Variants in PCDHA1 observed in about 807,000 individuals in gnomAD.
PCDHA1 encodes the protein protocadherin alpha-1.
PCDHA1 carries 42 observed loss-of-function variants against 61.3 expected under a neutral mutation model. That is an observed-to-expected ratio of 0.69 (90% CI 0.54 to 0.89). The LOEUF (loss-of-function observed/expected upper bound fraction) is 0.89. Ranked by LOEUF, PCDHA1 falls within the 40% of genes least tolerant of loss-of-function variation. The probability of loss-of-function intolerance (pLI) is 0.00; values close to 1 mark genes in which losing one functional copy is unlikely to be tolerated. For synonymous variants in PCDHA1, 610 were observed against 553.8 expected (o/e 1.10, Z -1.43); for missense variants, 1,256 against 1,235.3 (o/e 1.02, Z -0.25).
intron 3 of PCDHA1, 49 bp downstream of exon 3, chr5:140,982,612 C>A (rs782489208): frequency 6.3e-7 from 1 of 1,599,358 alleles, no homozygotes; most frequent in Admixed American, 1.7e-5. Context: ...GGAAAGTGAT[C>A]AGATGACCTA....
At chr5:140,828,010 G>A in intron 1 of PCDHA1, 1 of 1,506,714 alleles carries the variant, frequency 6.6e-7, no homozygotes, top group Non-Finnish European at 8.9e-7. Context: ...CAGAAGAAAT[G>A]GATTAATAAA....
chr5:140,891,427 C>T (rs1465861457), intron 1 of PCDHA1, among the ~76,000 whole-genome samples: 2 of 149,500 alleles, frequency 1.3e-5, no homozygotes, highest in African/African-American at 4.9e-5. Flanking sequence ...CCCCCAAGTC[C>T]CCAACGTCCA....
intron 1 of PCDHA1, chr5:140,860,548 T>C (rs1219356676): frequency 6.6e-6 from 1 of 152,138 alleles, no homozygotes; most frequent in Non-Finnish European, 1.5e-5. Flanking sequence ...CAAACCCACC[T>C]TTGAAGAGGT....
chr5:140,857,108 C>T, intron 1 of PCDHA1: 6 of 1,597,856 alleles, frequency 3.8e-6, no homozygotes, highest in Non-Finnish European at 5.1e-6. Context: ...TGTCACTTCT[C>T]TGTCTCTCCC....
Position 140,788,233 on chromosome 5 carries a change from T to A in PCDHA1, c.1943T>A (p.Leu648Gln). Residue 648 changes from leucine to glutamine, a missense_variant, in exon 1 of 4, where the codon CTG (leucine) becomes CAG (glutamine). Transcript: ENST00000504120. The part of the protein sequence containing the change: ...DEADLSRYRL[L>Q]VLVKDHGEPA... ...GCTGACTTGTCGCGCTACCGCCTTC[T>A]GGTGCTAGTGAAGGATCACGGTGAG... The A allele has an allele frequency of 6.2e-7, 1 of 1,614,040 alleles. No homozygotes were observed. The highest frequency in any genetic ancestry group is 8.5e-7 in the Non-Finnish European group (1 of 1,179,936).
At position 140,883,606 on chromosome 5, in the gene PCDHA1, C is replaced by G; in HGVS notation, c.2394+94922C>G. 3 of 1,613,944 alleles carry G rather than the reference C, an allele frequency of 1.9e-6. No homozygotes were observed. In the African/African-American group the frequency reaches 4.0e-5, roughly 22 times the overall value. On this transcript the variant is annotated intron_variant, in intron 1 of 3. Coordinates refer to ENST00000504120, the MANE Select transcript of PCDHA1 (RefSeq NM_018900.4). ...CGGCCAGCGTGTCGGTGGGGGTGGC[C>G]GACGTGAACGACAACGCGCCGGCGT...
At position 140,856,827 on chromosome 5, in the gene PCDHA1, T is replaced by C. The variant is rs1201833720; in HGVS notation, c.2394+68143T>C. 4.4e-6 allele frequency: 7 copies of C among 1,592,096 alleles called. 1 individual carries two copies. The African/African-American group carries it at 5.4e-5, about 12-fold the overall frequency. ...GAAAATCAAGTGAACCAAACATTAG[T>C]AATACGGCTCAACGCTTCTGATTCG... is the stretch of plus-strand genomic sequence containing the variant. On this transcript the variant is annotated intron_variant, in intron 1 of 3. Transcript: ENST00000504120.
chr5:140,850,271 G>A, intron 1 of PCDHA1: 2 of 1,595,372 alleles, frequency 1.3e-6, no homozygotes, highest in Non-Finnish European at 1.7e-6. Context: ...TAGTGGTGGG[G>A]AAGGTGCGCG....
intron 1 of PCDHA1, chr5:140,795,596 T>A (rs1562153969): frequency 1.8e-5 from 29 of 1,614,170 alleles, no homozygotes; most frequent in Non-Finnish European, 2.3e-5. Flanking sequence ...GTTAATTTGT[T>A]ACTGGTGGCT....
chr5:140,988,062 A>G (rs1032842011), intron 3 of PCDHA1, among the ~76,000 whole-genome samples: 1 of 152,114 alleles, frequency 6.6e-6, no homozygotes, highest in Non-Finnish European at 1.5e-5. Context: ...GTCAACATGA[A>G]TTTTTCTATT....
chr5:140,979,882 A>C (rs1554241172), intron 2 of PCDHA1, among the ~76,000 whole-genome samples: 1 of 152,274 alleles, frequency 6.6e-6, no homozygotes, highest in Non-Finnish European at 1.5e-5. Context: ...TATCAAGTGA[A>C]TATTCACCAA....
intron 3 of PCDHA1, among the ~76,000 whole-genome samples, chr5:140,995,650 A>T (rs1166713964): frequency 6.6e-6 from 1 of 152,182 alleles, no homozygotes; most frequent in Non-Finnish European, 1.5e-5. Context: ...GAAAAGGAGA[A>T]TCGAAAAGGG....
intron 1 of PCDHA1, among the ~76,000 whole-genome samples, chr5:140,898,433 T>G (rs1253149141): frequency 6.6e-5 from 10 of 152,184 alleles, no homozygotes; most frequent in Non-Finnish European, 7.4e-5. Flanking sequence ...CCAGCACCAT[T>G]TATTAAATAG....
intron 1 of PCDHA1, among the ~76,000 whole-genome samples, chr5:140,940,510 G>A (rs1477590604): frequency 4.0e-5 from 6 of 151,894 alleles, no homozygotes; most frequent in African/African-American, 9.7e-5. Context: ...TCGCTCAGGC[G>A]TGATCATAGC....
intron 1 of PCDHA1, chr5:140,870,913 G>C (rs933995054): frequency 2.5e-6 from 4 of 1,613,936 alleles, no homozygotes; most frequent in Non-Finnish European, 3.4e-6. Context: ...AGGCTACAAC[G>C]CGTGGCTTTC....
intron 1 of PCDHA1, among the ~76,000 whole-genome samples, chr5:140,887,132 T>A (rs2061321769): frequency 6.6e-6 from 1 of 151,950 alleles, no homozygotes; most frequent in Non-Finnish European, 1.5e-5. Context: ...AGTCTCACTC[T>A]GTCGCCCAGG....
At chr5:140,968,841 A>G in intron 1 of PCDHA1, 1 of 1,614,222 alleles carries the variant, frequency 6.2e-7, no homozygotes, top group Middle Eastern at 1.6e-4. Context: ...CCTGACACTC[A>G]GAGGCATGTT....
At chr5:140,838,717 C>T (rs1775851358) in intron 1 of PCDHA1, among the ~76,000 whole-genome samples, 1 of 151,954 alleles carries the variant, frequency 6.6e-6, no homozygotes, top group Admixed American at 6.6e-5. Context: ...AGGAGGATTG[C>T]TTCAGTCTAG....
chr5:140,997,921 G>T lies in PCDHA1; in HGVS notation c.2543-11706G>T, dbSNP rs553205382. On this transcript the variant is annotated intron_variant, in intron 3 of 3. Coordinates refer to ENST00000504120, the MANE Select transcript of PCDHA1 (RefSeq NM_018900.4). ...CAAGAAGTAGAATTACAGAATCATA[G>T]GATATAAAAATATCAAATTGGCAAA... is the stretch of plus-strand genomic sequence containing the variant. Among the ~76,000 whole-genome samples the T allele has an allele frequency of 1.1e-4, 16 of 152,200 alleles. No homozygotes were observed. The South Asian group carries it at 3.3e-3, about 32-fold the overall frequency.
Sources: allele counts gnomAD v4.1 joint callset (sites outside exome capture counted in the v4.1 genomes callset), GRCh38; gene constraint gnomAD v4.1.1; transcripts MANE v1.5; gene names NCBI Gene and HGNC (gene_info 2026-07-23, HGNC 2026-07-21).